Variants in FAT3 observed in about 807,000 individuals in gnomAD.
FAT3 encodes the protein FAT atypical cadherin 3.
In FAT3, 95 loss-of-function variants were observed where a neutral mutation model predicts 310.2. The observed-to-expected ratio is 0.31, with a 90% CI of 0.26 to 0.36. The LOEUF (loss-of-function observed/expected upper bound fraction) is 0.36, where lower values mean the gene tolerates loss of function less well. FAT3 is among the 10% of genes least tolerant of loss of function. The probability of loss-of-function intolerance (pLI) is 1.00; values close to 1 mark genes in which losing one functional copy is unlikely to be tolerated. For synonymous variants in FAT3, 2,314 were observed against 2,192.9 expected (o/e 1.06, Z -1.54); for missense variants, 5,408 against 5,715.6 (o/e 0.95, Z 1.74).
chr11:92,558,061 T>G (rs1432452620), intron 3 of FAT3, among the ~76,000 whole-genome samples: 1 of 152,152 alleles, frequency 6.6e-6, no homozygotes, highest in Admixed American at 6.5e-5. Flanking sequence ...TGAGACATGC[T>G]TAGAGATATG....
intron 2 of FAT3, among the ~76,000 whole-genome samples, chr11:92,501,681 T>C (rs1952944264): frequency 6.6e-6 from 1 of 152,050 alleles, no homozygotes; most frequent in Non-Finnish European, 1.5e-5. Context: ...TTTTCTAATA[T>C]GAATTTCCAT....
Position 92,883,026 on chromosome 11 carries a change from G to A in FAT3, c.12570G>A (p.Thr4190=), listed in dbSNP as rs775635508. The A allele has an allele frequency of 3.7e-6, 6 of 1,613,860 alleles. No homozygotes were observed. Among genetic ancestry groups the A allele is most frequent in the Non-Finnish European group, 5.1e-6 (6 of 1,179,900 alleles). The part of the protein sequence containing the change: ...FRKNYSRNNI[T]LVQDPATAAL... The stretch of plus-strand genomic sequence containing the variant: ...AGAACTACTCCCGCAACAACATCAC[G>A]CTAGTGCAGGACCCGGCCACCGCCG... Residue 4190 remains threonine, a synonymous_variant, in exon 24 of 28, where the codon ACG becomes ACA. Coordinates refer to ENST00000525166, the MANE Select transcript of FAT3 (RefSeq NM_001367949.2). The surrounding 1 kb of genome is among the most constrained non-coding windows in gnomAD (Gnocchi z 4.2).
At chr11:92,707,751 C>G (rs2135940215) in intron 4 of FAT3, among the ~76,000 whole-genome samples, 1 of 152,320 alleles carries the variant, frequency 6.6e-6, no homozygotes, top group South Asian at 2.1e-4. Context: ...ACTCTCTGAG[C>G]TACAGAATGA....
chr11:92,532,249 C>T (rs1954107078), intron 3 of FAT3, among the ~76,000 whole-genome samples: 1 of 152,038 alleles, frequency 6.6e-6, no homozygotes, highest in African/African-American at 2.4e-5. Flanking sequence ...CTAAGTTTCT[C>T]CCAGTTTATT....
At chr11:92,585,840 C>CCA (rs1939119421) in intron 3 of FAT3, among the ~76,000 whole-genome samples, 1 of 150,674 alleles carries the variant, frequency 6.6e-6, no homozygotes, top group African/African-American at 2.4e-5. Context: ...TTTTTTTTTC[C>CCA]CCATTAAAGG....
In FAT3 at chr11:92,692,193, G is replaced by A. The variant is rs142827221; in HGVS notation, c.3608-5191G>A. 6.0e-4 allele frequency among the ~76,000 whole-genome samples: 92 copies of A among 152,270 alleles called. 1 individual carries two copies. The highest frequency in any genetic ancestry group is 1.9e-3 in the African/African-American group (77 of 41,562). On this transcript the variant is annotated intron_variant, in intron 3 of 27. Transcript: ENST00000525166. The stretch of plus-strand genomic sequence containing the variant: ...CAGGAAAACATTAAAGTTATTCAAA[G>A]GATGGAGGAGAGCATTCAGACAGCT...
intron 3 of FAT3, among the ~76,000 whole-genome samples, chr11:92,562,760 GAGA>G (rs947448901): frequency 6.6e-5 from 10 of 152,170 alleles, no homozygotes; most frequent in African/African-American, 2.4e-4. Flanking sequence ...CTAAGGATAG[GAGA>G]AGATGTTGAT....
intron 3 of FAT3, among the ~76,000 whole-genome samples, chr11:92,630,678 T>A (rs1312699079): frequency 6.6e-6 from 1 of 152,234 alleles, no homozygotes; most frequent in Non-Finnish European, 1.5e-5. Context: ...ACCCTTCCAA[T>A]TTTCCTCCTA....
chr11:92,767,268 A>T (rs996697599), intron 6 of FAT3, among the ~76,000 whole-genome samples: 17 of 151,082 alleles, frequency 1.1e-4, no homozygotes, highest in South Asian at 2.1e-4. Context: ...AAAAAAAAAA[A>T]GCCTAAAGGA....
At chr11:92,532,756 C>G (rs1265502377) in intron 3 of FAT3, among the ~76,000 whole-genome samples, 3 of 152,156 alleles carry the variant, frequency 2.0e-5, no homozygotes, top group African/African-American at 7.2e-5. Context: ...CCTTGAAATG[C>G]TTAAGCAGCT....
intron 2 of FAT3, among the ~76,000 whole-genome samples, chr11:92,469,567 T>A (rs981616145): frequency 2.3e-4 from 35 of 152,082 alleles, no homozygotes; most frequent in Admixed American, 2.0e-3. Flanking sequence ...CAGGCTGGAG[T>A]GCAGTGGTGC....
chr11:92,315,868 A>T (rs1373642154), intron 1 of FAT3, among the ~76,000 whole-genome samples: 2 of 152,076 alleles, frequency 1.3e-5, no homozygotes, highest in African/African-American at 2.4e-5. Context: ...ATTGAACAGC[A>T]TATATTACTT....
chr11:92,595,480 C>T (rs16917896), intron 3 of FAT3, among the ~76,000 whole-genome samples: 4,193 of 152,272 alleles, frequency 0.028, 74 homozygotes, highest in African/African-American at 0.054. Context: ...CTGTCCACAA[C>T]ACAAATTGCT....
At chr11:92,803,142 C>A (rs1358298376) in intron 10 of FAT3, among the ~76,000 whole-genome samples, 4 of 151,798 alleles carry the variant, frequency 2.6e-5, no homozygotes. Context: ...AAAAAAGCTT[C>A]TTAGGCATTC....
chr11:92,436,190 C>T (rs1453692648), intron 2 of FAT3, among the ~76,000 whole-genome samples: 3 of 152,088 alleles, frequency 2.0e-5, no homozygotes, highest in African/African-American at 7.2e-5. Flanking sequence ...TCTGCTGGAT[C>T]TGCTGGAGTG....
intron 13 of FAT3, among the ~76,000 whole-genome samples, chr11:92,810,712 CT>C (rs1947645770): frequency 6.6e-6 from 1 of 152,092 alleles, no homozygotes; most frequent in South Asian, 2.1e-4. Context: ...CTCAGATCCA[CT>C]TTACATAATG....
chr11:92,248,950 G>A (rs890869662), intron 1 of FAT3, among the ~76,000 whole-genome samples: 1 of 152,038 alleles, frequency 6.6e-6, no homozygotes, highest in Non-Finnish European at 1.5e-5. Flanking sequence ...ATTGAGGTTC[G>A]GAGAAAGTGA....
intron 22 of FAT3, among the ~76,000 whole-genome samples, chr11:92,879,602 C>T (rs1442898789): frequency 6.6e-6 from 1 of 152,104 alleles, no homozygotes; most frequent in African/African-American, 2.4e-5. Flanking sequence ...CTGCAAATAA[C>T]GTTTCATTGT....
chr11:92,793,313 C>T (rs532549176), intron 9 of FAT3, among the ~76,000 whole-genome samples: 105 of 152,204 alleles, frequency 6.9e-4, no homozygotes, highest in African/African-American at 2.3e-3. Flanking sequence ...TAACAAAAGC[C>T]GCCCGCCGAT....
Sources: gnomAD v4.1 joint callset for allele counts (sites outside exome capture counted in the v4.1 genomes callset) on GRCh38, gnomAD v4.1.1 for gene constraint, Gnocchi (gnomAD v3.1) non-coding constraint, MANE v1.5 for transcripts, NCBI Gene and HGNC (gene_info 2026-07-23, HGNC 2026-07-21) for gene names.